Variants in ATP10B observed in about 807,000 individuals in gnomAD.
ATP10B encodes the protein ATPase phospholipid transporting 10B (putative), also known as phospholipid-transporting ATPase VB.
A neutral mutation model predicts 141.2 loss-of-function variants in ATP10B; 122 were observed. That is an observed-to-expected ratio of 0.86 (90% CI 0.75 to 1.00). The LOEUF (loss-of-function observed/expected upper bound fraction) is 1.00, where lower values mean the gene tolerates loss of function less well. Ranked by LOEUF, ATP10B falls within the 50% of genes least tolerant of loss-of-function variation. The pLI, the probability that ATP10B is intolerant of heterozygous loss-of-function variation, is 0.00. For missense variants in ATP10B, 1,876 were observed against 1,825.3 expected (o/e 1.03, Z -0.51); for synonymous variants, 685 against 692.0 (o/e 0.99, Z 0.16).
At chr5:160,922,094 G>A in the ATP10B span, among the ~76,000 whole-genome samples, 16 of 152,318 alleles carry the variant, frequency 1.1e-4, no homozygotes, top group Admixed American at 2.0e-4. Context: ...GTGGGTGTCT[G>A]GCTTGAGAAA....
intron 2 of ATP10B, among the ~76,000 whole-genome samples, chr5:160,755,830 AAAAAAAAAATATATATAT>A (rs1365409420): frequency 2.9e-5 from 2 of 68,610 alleles, no homozygotes; most frequent in African/African-American, 1.6e-4. Context: ...AAAAAAAAAA[AAAAAAAAAATATATATAT>A]ATATATATAT....
chr5:160,817,107 C>G (rs143270458), intron 1 of ATP10B, among the ~76,000 whole-genome samples: 4,395 of 152,278 alleles, frequency 0.029, 175 homozygotes, highest in East Asian at 0.16. Flanking sequence ...CAGGGATGCC[C>G]TCTCTCACCA....
intron 2 of ATP10B, among the ~76,000 whole-genome samples, chr5:160,736,629 G>C (rs1002903438): frequency 6.6e-6 from 1 of 152,100 alleles, no homozygotes; most frequent in Non-Finnish European, 1.5e-5. Flanking sequence ...GCGTGGTGGC[G>C]TACGCCTGTA....
Position 160,697,072 on chromosome 5 carries a change from T to A in ATP10B, c.-204-8129A>T, listed in dbSNP as rs188407316. 3.5e-3 allele frequency among the ~76,000 whole-genome samples: 538 copies of A among 152,354 alleles called. 5 individuals are homozygous for A. The highest frequency in any genetic ancestry group is 0.013 in the African/African-American group (525 of 41,584). ...TTATTAGAATACAAAATGTCCTTTT[T>A]CCACATTTTAATAAATTTTTGAAAC... On this transcript the variant is annotated intron_variant, in intron 3 of 25. Coordinates refer to ENST00000327245, the MANE Select transcript of ATP10B (RefSeq NM_025153.3).
chr5:160,842,521 T>C (rs1424493729), intron 1 of ATP10B, among the ~76,000 whole-genome samples: 3 of 151,852 alleles, frequency 2.0e-5, no homozygotes, highest in South Asian at 4.1e-4. Context: ...AATTTGGTAC[T>C]ATGAAAAAGC....
intron 6 of ATP10B, among the ~76,000 whole-genome samples, chr5:160,680,130 G>A (rs1459096302): frequency 6.6e-6 from 1 of 152,044 alleles, no homozygotes; most frequent in Non-Finnish European, 1.5e-5. Flanking sequence ...AGTCTAGGGT[G>A]GATGATGCAT....
intron 3 of ATP10B, among the ~76,000 whole-genome samples, chr5:160,690,430 T>A (rs1430155410): frequency 6.6e-6 from 1 of 152,106 alleles, no homozygotes; most frequent in East Asian, 1.9e-4. Flanking sequence ...ACCTACAGAA[T>A]GGGAGAAAAT....
At chr5:160,894,456 G>C in the ATP10B span, among the ~76,000 whole-genome samples, 1 of 151,848 alleles carries the variant, frequency 6.6e-6, no homozygotes, top group East Asian at 2.0e-4. Flanking sequence ...GGATATCAGA[G>C]ACTGAATATC....
chr5:160,676,761 A>G (rs1397041231), intron 6 of ATP10B, among the ~76,000 whole-genome samples: 1 of 152,224 alleles, frequency 6.6e-6, no homozygotes, highest in Non-Finnish European at 1.5e-5. Flanking sequence ...ATTAGCTTAC[A>G]TGTATTGACT....
At chr5:160,715,327 T>G (rs897268561) in intron 3 of ATP10B, among the ~76,000 whole-genome samples, 3 of 133,980 alleles carry the variant, frequency 2.2e-5, no homozygotes, top group Non-Finnish European at 3.2e-5. Context: ...GTGCGCCGTT[T>G]CTTAAGCCGG....
intron 1 of ATP10B, among the ~76,000 whole-genome samples, chr5:160,841,225 T>C (rs1398254707): frequency 3.9e-5 from 6 of 152,088 alleles, no homozygotes; most frequent in African/African-American, 1.2e-4. Context: ...TACAATGCAG[T>C]TGTAAACAAA....
intron 2 of ATP10B, among the ~76,000 whole-genome samples, chr5:160,740,629 T>C (rs541617636): frequency 2.5e-4 from 38 of 152,218 alleles, no homozygotes; most frequent in Non-Finnish European, 2.8e-4. Flanking sequence ...TAGATTCATT[T>C]TTTTCTTGTT....
At chr5:160,668,027 C>T (rs578031991) in intron 7 of ATP10B, among the ~76,000 whole-genome samples, 7 of 152,106 alleles carry the variant, frequency 4.6e-5, no homozygotes, top group South Asian at 4.2e-4. Flanking sequence ...GTCAGGAGTT[C>T]GAGACCAGCC....
At chr5:160,914,383 C>A in the ATP10B span, among the ~76,000 whole-genome samples, 1 of 152,126 alleles carries the variant, frequency 6.6e-6, no homozygotes, top group African/African-American at 2.4e-5. Context: ...CTAGGCCCCC[C>A]GATTCCCTGT....
intron 1 of ATP10B, among the ~76,000 whole-genome samples, chr5:160,812,885 A>T (rs1450854962): frequency 6.6e-6 from 1 of 152,232 alleles, no homozygotes; most frequent in Non-Finnish European, 1.5e-5. Flanking sequence ...GAAACATATT[A>T]ATATTCAAGC....
chr5:160,853,770 T>G (rs1391535901), upstream of ATP10B, among the ~76,000 whole-genome samples: 2 of 152,166 alleles, frequency 1.3e-5, no homozygotes, highest in African/African-American at 4.8e-5. Flanking sequence ...ATTAGAACCC[T>G]AATAAACAAA....
chr5:160,763,849 G>A (rs77035657), intron 2 of ATP10B, among the ~76,000 whole-genome samples: 3,636 of 152,098 alleles, frequency 0.024, 140 homozygotes, highest in African/African-American at 0.082. Context: ...ATCCAAATAA[G>A]CTCAATTAGA....
At position 160,737,585 on chromosome 5, in the gene ATP10B, T is replaced by C. The variant is rs139304106; in HGVS notation, c.-330-20551A>G. On this transcript the variant is annotated intron_variant, in intron 2 of 25. Transcript: ENST00000327245. ...ACAAAAATCAACATAAAAAAATCAG[T>C]AGCATTTCTATATGACAAAACTGAA... is the stretch of plus-strand genomic sequence containing the variant. 1.4e-3 allele frequency among the ~76,000 whole-genome samples: 213 copies of C among 152,212 alleles called. 1 individual carries two copies. The East Asian group carries it at 0.033, about 24-fold the overall frequency.
At chr5:160,916,419 C>T in the ATP10B span, among the ~76,000 whole-genome samples, 1 of 150,226 alleles carries the variant, frequency 6.7e-6, no homozygotes, top group Admixed American at 6.6e-5. Flanking sequence ...GATAGCTTCC[C>T]AGGGTAAGAC....
Sources: allele counts gnomAD v4.1 joint callset (sites outside exome capture counted in the v4.1 genomes callset), GRCh38; gene constraint gnomAD v4.1.1; transcripts MANE v1.5; gene names NCBI Gene and HGNC (gene_info 2026-07-23, HGNC 2026-07-21).